Variants in ZFHX3 observed in about 807,000 individuals in gnomAD.
The protein encoded by ZFHX3 is zinc finger homeobox 3.
A neutral mutation model predicts 279.1 loss-of-function variants in ZFHX3; 42 were observed. The ratio of observed to expected loss-of-function variants is 0.15; its 90% CI spans 0.12 to 0.19. The LOEUF is 0.19. Ranked by LOEUF, ZFHX3 falls within the 10% of genes least tolerant of loss-of-function variation. ZFHX3 has a pLI of 1.00. For missense variants in ZFHX3, 4,981 were observed against 4,754.0 expected, an observed-to-expected ratio of 1.05 and a Z score of -1.40; for synonymous variants, 2,293 against 1,957.8, an observed-to-expected ratio of 1.17 and a Z score of -4.52.
At chr16:73,794,690 T>C (rs1006339338) in intron 1 of ZFHX3, among the ~76,000 whole-genome samples, 3 of 152,226 alleles carry the variant, frequency 2.0e-5, no homozygotes, top group African/African-American at 7.2e-5. Flanking sequence ...TCAACAGCTT[T>C]ACATCTTTCC....
chr16:73,744,035 C>T (rs1379398919), intron 1 of ZFHX3, among the ~76,000 whole-genome samples: 6 of 152,126 alleles, frequency 3.9e-5, no homozygotes, highest in African/African-American at 1.2e-4. Flanking sequence ...AACCGACCCC[C>T]GCCACAGATC....
At chr16:72,860,456 T>G (rs1223515169) in intron 4 of ZFHX3, among the ~76,000 whole-genome samples, 1 of 152,192 alleles carries the variant, frequency 6.6e-6, no homozygotes, top group East Asian at 1.9e-4. Flanking sequence ...AGACAGAGTC[T>G]CACTCACTCT....
At chr16:73,241,995 G>T (rs2013138662) in intron 5 of ZFHX3, among the ~76,000 whole-genome samples, 1 of 152,108 alleles carries the variant, frequency 6.6e-6, no homozygotes, top group African/African-American at 2.4e-5. Context: ...GAATCACTGT[G>T]AGGCTTAAAT....
chr16:72,798,829 G>C, intron 8 of ZFHX3, 115 bp from the exon 9 acceptor site: 1 of 1,432,462 alleles, frequency 7.0e-7, no homozygotes, highest in South Asian at 1.6e-5. Context: ...TGATGATGAG[G>C]GAAGTGCCCA....
intron 2 of ZFHX3, among the ~76,000 whole-genome samples, chr16:73,598,155 T>G (rs1453724180): frequency 6.6e-6 from 1 of 152,132 alleles, no homozygotes; most frequent in Non-Finnish European, 1.5e-5. Context: ...ACAGGACAGT[T>G]GGGGAAGGCA....
intron 1 of ZFHX3, among the ~76,000 whole-genome samples, chr16:73,037,405 T>C (rs1249238123): frequency 6.6e-6 from 1 of 152,208 alleles, no homozygotes; most frequent in Non-Finnish European, 1.5e-5. Context: ...ATCTGTCGTC[T>C]AGAAAAAGCG....
intron 2 of ZFHX3, among the ~76,000 whole-genome samples, chr16:73,630,103 A>C (rs773790624): frequency 2.0e-4 from 31 of 152,152 alleles, no homozygotes; most frequent in Non-Finnish European, 3.8e-4. Flanking sequence ...ATTTCAGCAC[A>C]TTGAAAAAAA....
chr16:73,106,025 C>T (rs750205768), intron 7 of ZFHX3, among the ~76,000 whole-genome samples: 1 of 150,972 alleles, frequency 6.6e-6, no homozygotes, highest in Non-Finnish European at 1.5e-5. Context: ...ATCCTCTCCG[C>T]CATGCAAAAC....
At chr16:72,948,097 C>A (rs1030178022) in intron 3 of ZFHX3, among the ~76,000 whole-genome samples, 2 of 152,300 alleles carry the variant, frequency 1.3e-5, no homozygotes, top group South Asian at 2.1e-4. Flanking sequence ...ACAATCCCAG[C>A]GGTGTCATCC....
intron 3 of ZFHX3, among the ~76,000 whole-genome samples, chr16:73,436,664 A>G (rs540926635): frequency 1.3e-5 from 2 of 151,804 alleles, no homozygotes; most frequent in African/African-American, 4.8e-5. Flanking sequence ...TCAAGAAGCC[A>G]TGAATTCTGC....
chr16:73,323,884 C>A (rs566955124), intron 3 of ZFHX3, among the ~76,000 whole-genome samples: 1 of 152,284 alleles, frequency 6.6e-6, no homozygotes, highest in Admixed American at 6.5e-5. Flanking sequence ...CCCATCTGGG[C>A]TTAAGAGGAT....
intron 1 of ZFHX3, chr16:73,815,681 C>T (rs1960548289): frequency 6.6e-6 from 1 of 152,156 alleles, no homozygotes; most frequent in South Asian, 2.1e-4. Context: ...CCTGCCTCAG[C>T]CTCTCGAGTA....
intron 2 of ZFHX3, among the ~76,000 whole-genome samples, chr16:73,604,332 A>T (rs1048436690): frequency 1.3e-5 from 2 of 152,144 alleles, no homozygotes; most frequent in Non-Finnish European, 2.9e-5. Flanking sequence ...CACTATTTTT[A>T]AAAGAGAAAG....
chr16:73,379,900 G>A (rs1310462628), intron 3 of ZFHX3, among the ~76,000 whole-genome samples: 1 of 152,198 alleles, frequency 6.6e-6, no homozygotes, highest in Non-Finnish European at 1.5e-5. Flanking sequence ...CAGGCCTACT[G>A]AGAGTCACTG....
rs150561358 is a variant in ZFHX3 at position 72,849,068 on chromosome 16, C to T, written c.3449-19209G>A. 8.4e-4 allele frequency among the ~76,000 whole-genome samples: 127 copies of T among 152,078 alleles called. 1 individual carries two copies. The highest frequency in any genetic ancestry group is 3.0e-3 in the African/African-American group (124 of 41,474). ...CAAAATTTTTCTTCCTAATGAAGCC[C>T]GGGGGTGGGGGATGTTAATTACTTT... On this transcript the variant is annotated intron_variant, in intron 4 of 9. Coordinates refer to ENST00000268489, the MANE Select transcript of ZFHX3 (RefSeq NM_006885.4).
At chr16:73,524,417 C>T (rs2019657698) in intron 2 of ZFHX3, among the ~76,000 whole-genome samples, 1 of 152,142 alleles carries the variant, frequency 6.6e-6, no homozygotes, top group South Asian at 2.1e-4. Context: ...AGTCTTGCGG[C>T]CTTTCCATGA....
chr16:72,803,532 C>A (rs957599964), intron 7 of ZFHX3, among the ~76,000 whole-genome samples: 2 of 152,168 alleles, frequency 1.3e-5, no homozygotes, highest in Non-Finnish European at 2.9e-5. Flanking sequence ...GAACAATATA[C>A]ATGCTTTCTC....
rs554948923 is a variant in ZFHX3, at chr16:73,505,859, T to A, written c.-1546-49601A>T. Among the ~76,000 whole-genome samples the A allele has an allele frequency of 5.3e-5, 8 of 152,350 alleles. No individual in the cohort carries two copies. The East Asian group carries it at 1.5e-3, about 29-fold the overall frequency. On this transcript the variant is annotated intron_variant, in intron 2 of 17. Transcript: ENST00000641206. ...CAGAGACACATGAATGTGAATAGGC[T>A]CATGAGAGCAGAATCTTTCCCGCTC...
intron 7 of ZFHX3, among the ~76,000 whole-genome samples, chr16:73,113,590 C>T (rs768043660): frequency 6.6e-6 from 1 of 152,040 alleles, no homozygotes; most frequent in Non-Finnish European, 1.5e-5. Context: ...ACTACGTGAG[C>T]TACTGGGAAG....
Sources: gnomAD v4.1 joint callset for allele counts (sites outside exome capture counted in the v4.1 genomes callset) on GRCh38, gnomAD v4.1.1 for gene constraint, MANE v1.5 for transcripts, NCBI Gene and HGNC (gene_info 2026-07-23, HGNC 2026-07-21) for gene names.